The following TFDP2 variants were observed in gnomAD, a reference collection of about 807,000 sequenced individuals.
TFDP2 encodes the protein transcription factor Dp-2.
Under a neutral mutation model 59.3 loss-of-function variants are expected in TFDP2, and 17 were observed. The ratio of observed to expected loss-of-function variants is 0.29; its 90% confidence interval spans 0.20 to 0.43. TFDP2 has a LOEUF of 0.43. TFDP2 is among the 20% of genes least tolerant of loss of function. The pLI is 1.00. For synonymous variants in TFDP2, 180 were observed against 194.7 expected (o/e 0.92, Z 0.63); for missense variants, 391 against 528.8 (o/e 0.74, Z 2.56).
rs2061438648 is a variant in TFDP2 at position 142,105,376 on chromosome 3, C to T, written c.-92-3535G>A. Among the ~76,000 whole-genome samples the T allele has an allele frequency of 1.3e-5, 2 of 152,150 alleles. 1 individual carries two copies. Among genetic ancestry groups the T allele is most frequent in the South Asian group, 4.1e-4 (2 of 4,832 alleles). On this transcript the variant is annotated intron_variant, in intron 1 of 12. Transcript: ENST00000489671. Reference sequence around the variant, plus strand: ...CCTCTCAGATGGGCTAACCATATCACAGATAACATAATTCTGGCCAATGAA... The same window carrying T: ...CCTCTCAGATGGGCTAACCATATCATAGATAACATAATTCTGGCCAATGAA...
intron 1 of TFDP2, among the ~76,000 whole-genome samples, chr3:142,148,217 TTAC>T (rs1383498838): frequency 6.6e-6 from 1 of 151,804 alleles, no homozygotes; most frequent in Admixed American, 6.6e-5. Context: ...AAAGAGAGCC[TTAC>T]TGAAAGAAAG....
chr3:142,059,497 GA>G (rs1401959122), intron 3 of TFDP2, among the ~76,000 whole-genome samples: 1 of 151,648 alleles, frequency 6.6e-6, no homozygotes, highest in Non-Finnish European at 1.5e-5. Flanking sequence ...AGAGAGTTGT[GA>G]AAAAAAAGCA....
intron 3 of TFDP2, among the ~76,000 whole-genome samples, chr3:142,020,471 G>T (rs1945501027): frequency 6.6e-6 from 1 of 151,002 alleles, no homozygotes; most frequent in South Asian, 2.1e-4. Context: ...GGAAGTGGAG[G>T]TTGCGGTGAG....
At chr3:142,036,525 C>G (rs112009973) in intron 3 of TFDP2, among the ~76,000 whole-genome samples, 5 of 152,146 alleles carry the variant, frequency 3.3e-5, no homozygotes, top group Admixed American at 1.3e-4. Flanking sequence ...CCTCCACAGC[C>G]GGTTTTTGGC....
At position 141,961,963 on chromosome 3, in the gene TFDP2, G is replaced by A. The variant is rs368004460; in HGVS notation, c.884+1849C>T. Among the ~76,000 whole-genome samples, 17 of 151,956 alleles carry A rather than the reference G, an allele frequency of 1.1e-4. No individual in the cohort carries two copies. In the East Asian group the frequency reaches 3.3e-3, roughly 29 times the overall value. On this transcript the variant is annotated intron_variant, in intron 10 of 12. Coordinates refer to ENST00000489671, the MANE Select transcript of TFDP2 (RefSeq NM_001178139.2). Reference sequence around the variant, plus strand: ...ACAGTGAGAATCCACTCTTTTTTTGGGGGGGACGGAGTTTTGCTCTTGCTG... The same window carrying A: ...ACAGTGAGAATCCACTCTTTTTTTGAGGGGGACGGAGTTTTGCTCTTGCTG...
Position 141,987,796 on chromosome 3 carries a change from G to A in TFDP2, c.356+5742C>T, listed in dbSNP as rs375370231. On this transcript the variant is annotated intron_variant, in intron 6 of 12. Coordinates refer to ENST00000489671, the MANE Select transcript of TFDP2 (RefSeq NM_001178139.2). ...TAGAAAAAAAAAAAAAAAATTAGCC[G>A]GGCATGATGGCAGGTGCCTGTAATC... is the stretch of plus-strand genomic sequence containing the variant. 2.0e-4 allele frequency among the ~76,000 whole-genome samples: 30 copies of A among 150,862 alleles called. No homozygotes were observed. The East Asian group carries it at 2.2e-3, about 11-fold the overall frequency.
At position 142,081,580 on chromosome 3, in the gene TFDP2, C is replaced by A. The variant is rs530872477; in HGVS notation, c.82+11481G>T. 1.3e-3 allele frequency among the ~76,000 whole-genome samples: 203 copies of A among 152,018 alleles called. 1 individual carries two copies. Among genetic ancestry groups the A allele is most frequent in the African/African-American group, 4.4e-3 (184 of 41,484 alleles). ...TTCTGAAAAGATAATATTGACAAAC[C>A]TTTAGTCAGACTAAGAAAAAAAGAG... On this transcript the variant is annotated intron_variant, in intron 3 of 12. Transcript: ENST00000489671.
At chr3:141,968,578 T>C (rs1275803267) in intron 9 of TFDP2, among the ~76,000 whole-genome samples, 2 of 105,870 alleles carry the variant, frequency 1.9e-5, no homozygotes, top group African/African-American at 8.2e-5. Context: ...ATATAACATA[T>C]ATATCTCATA....
chr3:142,004,344 T>C (rs10935452), intron 4 of TFDP2, among the ~76,000 whole-genome samples: 7,506 of 152,310 alleles, frequency 0.049, 191 homozygotes, highest in South Asian at 0.07. Flanking sequence ...GATATCTTTG[T>C]CTAAATAACT....
At chr3:141,996,158 G>A (rs1197188396) in intron 4 of TFDP2, among the ~76,000 whole-genome samples, 3 of 152,014 alleles carry the variant, frequency 2.0e-5, no homozygotes, top group East Asian at 3.8e-4. Context: ...TGTGTTACCA[G>A]GTCTTAAAAT....
At chr3:142,066,272 A>G (rs2108530478) in intron 3 of TFDP2, among the ~76,000 whole-genome samples, 1 of 152,322 alleles carries the variant, frequency 6.6e-6, no homozygotes, top group East Asian at 1.9e-4. Context: ...ACCTGAAACA[A>G]TTGGTGCCAC....
intron 8 of TFDP2, among the ~76,000 whole-genome samples, chr3:141,972,522 C>G (rs908180026): frequency 6.6e-6 from 1 of 152,204 alleles, no homozygotes; most frequent in Non-Finnish European, 1.5e-5. Flanking sequence ...CCTAGCCACA[C>G]CCAGCTCCAG....
intron 6 of TFDP2, among the ~76,000 whole-genome samples, chr3:141,988,252 T>C (rs749146683): frequency 1.3e-5 from 2 of 152,158 alleles, no homozygotes; most frequent in Non-Finnish European, 2.9e-5. Flanking sequence ...GGCCTGCTGT[T>C]GGTTTTTGCC....
At chr3:142,068,760 T>C (rs2108538259) in intron 3 of TFDP2, among the ~76,000 whole-genome samples, 1 of 152,148 alleles carries the variant, frequency 6.6e-6, no homozygotes, top group East Asian at 1.9e-4. Context: ...GGTTTCACCA[T>C]GTTGCCCAGG....
At chr3:141,972,555 C>T (rs961146088) in intron 8 of TFDP2, among the ~76,000 whole-genome samples, 9 of 152,222 alleles carry the variant, frequency 5.9e-5, no homozygotes, top group Non-Finnish European at 7.3e-5. Flanking sequence ...ATGCCTGTCT[C>T]AGCCCATGTG....
At chr3:142,043,920 G>T in intron 3 of TFDP2, 1 of 868,024 alleles carries the variant, frequency 1.2e-6, no homozygotes, top group South Asian at 1.3e-5. Flanking sequence ...GAATCCACAT[G>T]ACCTTCTCTG....
chr3:142,104,104 T>C (rs1366070183), intron 1 of TFDP2, among the ~76,000 whole-genome samples: 2 of 152,204 alleles, frequency 1.3e-5, no homozygotes, highest in African/African-American at 2.4e-5. Flanking sequence ...AAAGCATAAA[T>C]TTAAAAATCG....
At chr3:141,959,556 G>T in intron 11 of TFDP2, 118 bp downstream of exon 11, 1 of 1,106,954 alleles carries the variant, frequency 9.0e-7, no homozygotes, top group Non-Finnish European at 1.3e-6. Context: ...AAAGGTTTCA[G>T]TTTGTCGACA....
chr3:141,988,672 T>TTC (rs1553767391), intron 6 of TFDP2, among the ~76,000 whole-genome samples: 1 of 125,630 alleles, frequency 8.0e-6, no homozygotes, highest in East Asian at 2.3e-4. Context: ...TTCTTTTCTT[T>TTC]TTTTTTTTTT....
Sources: gnomAD v4.1 joint callset for allele counts (sites outside exome capture counted in the v4.1 genomes callset) on GRCh38, gnomAD v4.1.1 for gene constraint, MANE v1.5 for transcripts, NCBI Gene and HGNC (gene_info 2026-07-23, HGNC 2026-07-21) for gene names.